Variants in LRRTM4 observed in about 807,000 individuals in gnomAD.
LRRTM4 encodes leucine-rich repeat transmembrane neuronal protein 4.
A neutral mutation model predicts 47.6 loss-of-function variants in LRRTM4; 25 were observed. The observed-to-expected ratio is 0.53, with a 90% CI of 0.38 to 0.73. The LOEUF is 0.73. Ranked by LOEUF, LRRTM4 falls within the 30% of genes least tolerant of loss-of-function variation. The pLI, the probability that LRRTM4 is intolerant of heterozygous loss-of-function variation, is 0.00. For missense variants in LRRTM4, 638 were observed against 713.4 expected (o/e 0.89, Z 1.20); for synonymous variants, 311 against 269.5 (o/e 1.15, Z -1.51).
At chr2:77,135,986 GA>G (rs892865787) in intron 3 of LRRTM4, among the ~76,000 whole-genome samples, 12 of 149,666 alleles carry the variant, frequency 8.0e-5, no homozygotes, top group Non-Finnish European at 1.6e-4. Context: ...CCCAATTTAG[GA>G]AAAAAAAAGG....
At chr2:76,993,889 A>G (rs964848843) in intron 3 of LRRTM4, among the ~76,000 whole-genome samples, 10 of 151,960 alleles carry the variant, frequency 6.6e-5, no homozygotes, top group Non-Finnish European at 1.2e-4. Context: ...ATAAAGAAAA[A>G]TTTGGTACAT....
intron 3 of LRRTM4, among the ~76,000 whole-genome samples, chr2:76,962,249 A>G (rs967075274): frequency 1.3e-5 from 2 of 151,292 alleles, no homozygotes; most frequent in Admixed American, 6.6e-5. Context: ...ACAGTTTTGT[A>G]CAAAACAGCA....
intron 3 of LRRTM4, among the ~76,000 whole-genome samples, chr2:76,970,268 G>C (rs915893875): frequency 6.6e-6 from 1 of 151,890 alleles, no homozygotes; most frequent in Non-Finnish European, 1.5e-5. Flanking sequence ...ATATAACGAA[G>C]TACATCATGC....
intron 3 of LRRTM4, among the ~76,000 whole-genome samples, chr2:77,026,558 C>T (rs1197090970): frequency 6.6e-6 from 1 of 151,992 alleles, no homozygotes; most frequent in Non-Finnish European, 1.5e-5. Flanking sequence ...AGTGAATAGC[C>T]TATTTCTAAA....
intron 3 of LRRTM4, among the ~76,000 whole-genome samples, chr2:77,471,357 T>C (rs1295545959): frequency 5.9e-5 from 9 of 152,152 alleles, no homozygotes; most frequent in African/African-American, 2.2e-4. Context: ...ATATCATCTC[T>C]CAGTCAAACT....
At chr2:76,804,491 C>T (rs932925473) in intron 3 of LRRTM4, among the ~76,000 whole-genome samples, 1 of 151,750 alleles carries the variant, frequency 6.6e-6, no homozygotes, top group Non-Finnish European at 1.5e-5. Context: ...AAGTATCAGC[C>T]ATATTCTGTC....
chr2:77,248,441 G>T (rs999678433), intron 3 of LRRTM4, among the ~76,000 whole-genome samples: 3 of 151,942 alleles, frequency 2.0e-5, no homozygotes, highest in East Asian at 1.9e-4. Context: ...TGGACAGAAA[G>T]ACTTGATATT....
At chr2:77,361,290 T>G (rs994101259) in intron 3 of LRRTM4, among the ~76,000 whole-genome samples, 2 of 151,886 alleles carry the variant, frequency 1.3e-5, no homozygotes, top group Non-Finnish European at 1.5e-5. Flanking sequence ...TTGCCACTGG[T>G]AAAAGAAAAC....
chr2:76,974,131 C>CATATAT (rs1041999866), intron 3 of LRRTM4, among the ~76,000 whole-genome samples: 1 of 120,950 alleles, frequency 8.3e-6, no homozygotes. Context: ...CACATTTGCT[C>CATATAT]ATATATATAC....
At chr2:77,332,569 T>G (rs1383870153) in intron 3 of LRRTM4, among the ~76,000 whole-genome samples, 1 of 152,190 alleles carries the variant, frequency 6.6e-6, no homozygotes, top group Non-Finnish European at 1.5e-5. Context: ...TAGATTGGCT[T>G]GAAGGAAACC....
At chr2:77,169,738 C>T (rs1672992298) in intron 3 of LRRTM4, among the ~76,000 whole-genome samples, 1 of 152,180 alleles carries the variant, frequency 6.6e-6, no homozygotes, top group Non-Finnish European at 1.5e-5. Context: ...GGACGTCCAT[C>T]CTCCAAAACT....
At chr2:77,371,207 T>TA (rs2103769362) in intron 3 of LRRTM4, among the ~76,000 whole-genome samples, 1 of 151,940 alleles carries the variant, frequency 6.6e-6, no homozygotes, top group Non-Finnish European at 1.5e-5. Flanking sequence ...ATATTATTCT[T>TA]ACTACATATC....
chr2:77,350,497 G>A (rs1461289789), intron 3 of LRRTM4, among the ~76,000 whole-genome samples: 2 of 151,836 alleles, frequency 1.3e-5, no homozygotes, highest in Non-Finnish European at 2.9e-5. Context: ...GTATAGTCCA[G>A]TGTTAAGGTA....
chr2:77,478,572 C>T (rs1452117872), intron 3 of LRRTM4, among the ~76,000 whole-genome samples: 1 of 152,182 alleles, frequency 6.6e-6, no homozygotes, highest in Non-Finnish European at 1.5e-5. Context: ...GCAAATTTTA[C>T]ACTTTCCACA....
intron 3 of LRRTM4, among the ~76,000 whole-genome samples, chr2:77,296,700 T>C (rs1407309215): frequency 2.0e-5 from 3 of 152,150 alleles, no homozygotes; most frequent in African/African-American, 7.2e-5. Flanking sequence ...TTACCTGCTG[T>C]AAGTAAGTGC....
chr2:77,224,371 A>C (rs1217350593), intron 3 of LRRTM4, among the ~76,000 whole-genome samples: 2 of 152,218 alleles, frequency 1.3e-5, no homozygotes, highest in Non-Finnish European at 2.9e-5. Flanking sequence ...GGATGTAATT[A>C]AACTAAAGAG....
At chr2:76,977,689 T>C (rs1676465312) in intron 3 of LRRTM4, among the ~76,000 whole-genome samples, 1 of 151,978 alleles carries the variant, frequency 6.6e-6, no homozygotes, top group African/African-American at 2.4e-5. Context: ...TTGATGACGT[T>C]TATACTAGGA....
intron 3 of LRRTM4, among the ~76,000 whole-genome samples, chr2:76,756,480 G>C (rs1573055165): frequency 6.6e-6 from 1 of 152,058 alleles, no homozygotes; most frequent in African/African-American, 2.4e-5. Context: ...CTCTCATATT[G>C]AATTAGAATA....
chr2:76,981,409 G>A (rs562266777), intron 3 of LRRTM4, among the ~76,000 whole-genome samples: 12 of 152,108 alleles, frequency 7.9e-5, no homozygotes, highest in Non-Finnish European at 1.6e-4. Flanking sequence ...ATCTGCCATG[G>A]CAGAGACAGC....
Sources: gnomAD v4.1 joint callset for allele counts (sites outside exome capture counted in the v4.1 genomes callset) on GRCh38, gnomAD v4.1.1 for gene constraint, MANE v1.5 for transcripts, NCBI Gene and HGNC (gene_info 2026-07-23, HGNC 2026-07-21) for gene names.